Variants in PRICKLE1 observed in about 807,000 individuals in gnomAD.
PRICKLE1 encodes the protein prickle planar cell polarity protein 1, also known as prickle-like protein 1.
Under a neutral mutation model 70.2 loss-of-function variants are expected in PRICKLE1, and 14 were observed. The observed-to-expected ratio is 0.20, with a 90% CI of 0.13 to 0.31. The LOEUF (loss-of-function observed/expected upper bound fraction) is 0.31. PRICKLE1 is among the 10% of genes least tolerant of loss of function. PRICKLE1 has a pLI of 1.00. For synonymous variants in PRICKLE1, 357 were observed against 379.9 expected, an observed-to-expected ratio of 0.94 and a Z score of 0.70; for missense variants, 821 against 1,026.2, an observed-to-expected ratio of 0.80 and a Z score of 2.73.
intron 1 of PRICKLE1, among the ~76,000 whole-genome samples, chr12:42,585,834 G>T (rs1940978144): frequency 6.6e-6 from 1 of 152,128 alleles, no homozygotes; most frequent in Non-Finnish European, 1.5e-5. Context: ...CCAGTTACTG[G>T]GGCAGATGAA....
chr12:42,578,193 G>A (rs1217543092), intron 1 of PRICKLE1, among the ~76,000 whole-genome samples: 1 of 152,084 alleles, frequency 6.6e-6, no homozygotes, highest in African/African-American at 2.4e-5. Context: ...ATTTAGCTCT[G>A]GAACTCGAGA....
intron 1 of PRICKLE1, among the ~76,000 whole-genome samples, chr12:42,516,331 A>G (rs1258087345): frequency 6.6e-6 from 1 of 151,974 alleles, no homozygotes; most frequent in African/African-American, 2.4e-5. Context: ...ACGGGGTTCA[A>G]TCATGTTAGC....
intron 1 of PRICKLE1, among the ~76,000 whole-genome samples, chr12:42,554,706 G>A (rs1940384536): frequency 6.6e-6 from 1 of 152,156 alleles, no homozygotes; most frequent in Non-Finnish European, 1.5e-5. Flanking sequence ...GAGAATAAAG[G>A]AGTGAATTTG....
At position 42,457,209 on chromosome 12, in the gene PRICKLE1, A is replaced by G. The variant is rs1440756988; in HGVS notation, c.*2600T>C. The stretch of plus-strand genomic sequence containing the variant: ...AAAAAAAAAAGGAAAAGAAAGTCAC[A>G]TTATTATTGTGAATAAATATCTGCA... On this transcript the variant is annotated 3_prime_UTR_variant, in exon 8 of 8. Coordinates refer to ENST00000345127, the MANE Select transcript of PRICKLE1 (RefSeq NM_153026.3). 2.6e-5 allele frequency: 4 copies of G among 151,626 alleles called. No homozygotes were observed. Among genetic ancestry groups the G allele is most frequent in the African/African-American group, 7.3e-5 (3 of 41,276 alleles). The allele number at this position is 151,626 out of a possible 1,614,324, so 9.4% of individuals were successfully genotyped here. A position where few individuals can be genotyped will look rare whatever the true frequency, so the allele number is the denominator to read the frequency against.
In PRICKLE1 at chr12:42,457,576, T is replaced by C. The variant is rs911288795; in HGVS notation, c.*2233A>G. On this transcript the variant is annotated 3_prime_UTR_variant, in exon 8 of 8. Coordinates refer to ENST00000345127, the MANE Select transcript of PRICKLE1 (RefSeq NM_153026.3). ...GCAATATCCATCAGTCTTAAATACG[T>C]AACCTTTGTCCCAGTAACTACGCTG... 2.6e-5 allele frequency: 4 copies of C among 152,252 alleles called. No homozygotes were observed. Among genetic ancestry groups the C allele is most frequent in the African/African-American group, 4.8e-5 (2 of 41,452 alleles). The allele number at this position is 152,252 out of a possible 1,614,324, so 9.4% of individuals were successfully genotyped here. A position where few individuals can be genotyped will look rare whatever the true frequency, so the allele number is the denominator to read the frequency against.
chr12:42,465,158 G>T lies in PRICKLE1; in HGVS notation c.876C>A (p.Pro292=), dbSNP rs776244004. The change falls in exon 7 of 8, where the codon CCC becomes CCA. Residue 292 remains proline, a synonymous_variant. Transcript: ENST00000345127. ...AAATCTGACCCTGTTTGGGAAGGAA[G>T]GGACATCCCAACAAAGAGGCTTTAC... ...AQCKASLLGC[P]FLPKQGQIYC... is the part of the protein sequence containing the mutation. 6.3e-6 allele frequency: 10 copies of T among 1,592,456 alleles called. No homozygotes were observed. The highest frequency in any genetic ancestry group is 1.4e-5 in the African/African-American group (1 of 73,736).
At chr12:42,460,747 A>G in intron 7 of PRICKLE1, 82 bp from the exon 8 acceptor site, 2 of 1,518,278 alleles carry the variant, frequency 1.3e-6, no homozygotes, top group South Asian at 2.3e-5. Context: ...CTGAAAGGAA[A>G]TATTTCAAAG....
In PRICKLE1 at chr12:42,460,098, T is replaced by C. The variant is rs1459887277; in HGVS notation, c.2207A>G (p.His736Arg). ...CTGCAGGCCATAATCGGAAGTGGCA[T>C]GGGCGTACTGTCCGTAGAGATCAGC... ...QNADLYGQYA[H>R]ATSDYGLQNP... The change falls in exon 8 of 8, where the codon CAT (histidine) becomes CGT (arginine). Residue 736 changes from histidine (H) to arginine (R), a missense_variant. His to Arg is a conservative substitution (Grantham distance 29). Coordinates refer to ENST00000345127, the MANE Select transcript of PRICKLE1 (RefSeq NM_153026.3). 3 of 1,614,062 alleles carry C rather than the reference T, an allele frequency of 1.9e-6. No homozygotes were observed. Among genetic ancestry groups the C allele is most frequent in the East Asian group, 4.5e-5 (2 of 44,878 alleles).
At chr12:42,577,435 A>G (rs1940821512) in intron 1 of PRICKLE1, among the ~76,000 whole-genome samples, 2 of 152,178 alleles carry the variant, frequency 1.3e-5, no homozygotes, top group Non-Finnish European at 2.9e-5. Context: ...GCCACACTGA[A>G]TAATAAATAA....
chr12:42,470,109 C>A, intron 3 of PRICKLE1, 137 bp downstream of exon 3: 2 of 686,996 alleles, frequency 2.9e-6, no homozygotes, highest in Non-Finnish European at 5.2e-6. Context: ...AAGCTGTATT[C>A]TCTGGCCAAA....
At chr12:42,573,337 G>C (rs996138879) in intron 1 of PRICKLE1, among the ~76,000 whole-genome samples, 1 of 152,040 alleles carries the variant, frequency 6.6e-6, no homozygotes, top group Non-Finnish European at 1.5e-5. Context: ...ACAATTCTGC[G>C]CTGGGCTGCT....
chr12:42,521,932 GTGT>G (rs1939715546), intron 1 of PRICKLE1, among the ~76,000 whole-genome samples: 2 of 10,208 alleles, frequency 2.0e-4, no homozygotes, highest in Non-Finnish European at 1.2e-3. Flanking sequence ...TGTTTTTGGT[GTGT>G]GTGTGTGTGT....
intron 1 of PRICKLE1, among the ~76,000 whole-genome samples, chr12:42,587,032 C>G (rs1280969568): frequency 6.6e-6 from 1 of 152,182 alleles, no homozygotes; most frequent in Non-Finnish European, 1.5e-5. Flanking sequence ...GGGACTCAAG[C>G]TGACTTATTA....
At chr12:42,504,481 C>G (rs1939370006) in intron 1 of PRICKLE1, among the ~76,000 whole-genome samples, 2 of 152,202 alleles carry the variant, frequency 1.3e-5, no homozygotes, top group Non-Finnish European at 1.5e-5. Flanking sequence ...CCTTTTGCAG[C>G]ACCCAAGCTT....
In PRICKLE1 at chr12:42,570,450, T is replaced by TA. The variant is rs201757777; in HGVS notation, c.-49+19014dup. ...AGAAAACACCTAGTTTATTCATAAG[T>TA]AAAAAAAATCCTTTAGGAAAGTTCT... On this transcript the variant is annotated intron_variant, in intron 1 of 7. Transcript: ENST00000345127. 3.7e-3 allele frequency among the ~76,000 whole-genome samples: 558 copies of TA among 152,212 alleles called. 6 individuals are homozygous for TA. The highest frequency in any genetic ancestry group is 0.034 in the East Asian group (178 of 5,186).
At chr12:42,533,872 C>T (rs919012242) in intron 1 of PRICKLE1, among the ~76,000 whole-genome samples, 7 of 152,132 alleles carry the variant, frequency 4.6e-5, no homozygotes, top group Admixed American at 2.0e-4. Context: ...CACACAAAAA[C>T]GCCCCTAACG....
At chr12:42,529,897 A>T (rs1475953380) in intron 1 of PRICKLE1, among the ~76,000 whole-genome samples, 3 of 152,016 alleles carry the variant, frequency 2.0e-5, no homozygotes, top group Non-Finnish European at 4.4e-5. Context: ...TCAAAAAAAA[A>T]GGAAAAAGGA....
intron 1 of PRICKLE1, among the ~76,000 whole-genome samples, chr12:42,549,595 T>C (rs548900240): frequency 1.3e-5 from 2 of 152,222 alleles, no homozygotes; most frequent in East Asian, 3.9e-4. Context: ...CTCCCAACAA[T>C]TGCCTAAACC....
In PRICKLE1 at chr12:42,532,894, C is replaced by CAAA. The variant is rs11413258; in HGVS notation, c.-49+56568_-49+56570dup. The stretch of plus-strand genomic sequence containing the variant: ...CCTGGGCGAGAGTGAGACTCCGTCT[C>CAAA]AAAAAAAAAAAAAAAAATTGTGTTT... On this transcript the variant is annotated intron_variant, in intron 1 of 7. Coordinates refer to ENST00000345127, the MANE Select transcript of PRICKLE1 (RefSeq NM_153026.3). Among the ~76,000 whole-genome samples the CAAA allele has an allele frequency of 2.9e-4, 39 of 133,030 alleles. 1 individual carries two copies. The highest frequency in any genetic ancestry group is 3.9e-3 in the Middle Eastern group (1 of 258). 87.3% of individuals were successfully genotyped at this position (133,030 alleles called of 152,430 possible). A position where few individuals can be genotyped will look rare whatever the true frequency, so the allele number is the denominator to read the frequency against.
Sources: allele counts gnomAD v4.1 joint callset (sites outside exome capture counted in the v4.1 genomes callset), GRCh38; gene constraint gnomAD v4.1.1; transcripts MANE v1.5; gene names NCBI Gene and HGNC (gene_info 2026-07-23, HGNC 2026-07-21).